The following EIF5 variants were observed in gnomAD, a reference collection of about 807,000 sequenced individuals.
EIF5 encodes the protein eukaryotic translation initiation factor 5.
A neutral mutation model predicts 48.3 loss-of-function variants in EIF5; 10 were observed. The observed-to-expected ratio is 0.21, with a 90% CI of 0.13 to 0.35. The LOEUF (loss-of-function observed/expected upper bound fraction) is 0.35. EIF5 is among the 10% of genes least tolerant of loss of function. The pLI is 1.00. For synonymous variants in EIF5, 237 were observed against 173.1 expected, an observed-to-expected ratio of 1.37 and a Z score of -2.90; for missense variants, 397 against 533.2, an observed-to-expected ratio of 0.74 and a Z score of 2.51.
At chr14:103,340,081 A>G (rs962353776) in intron 10 of EIF5, among the ~76,000 whole-genome samples, 3 of 152,094 alleles carry the variant, frequency 2.0e-5, no homozygotes, top group African/African-American at 4.8e-5. Context: ...GGTCTCGAAC[A>G]CCTGACCTCA....
intron 8 of EIF5, 115 bp from the exon 9 acceptor site, chr14:103,339,057 C>T (rs1483019770): frequency 1.4e-6 from 2 of 1,480,034 alleles, no homozygotes; most frequent in Non-Finnish European, 1.8e-6. Flanking sequence ...CACTATGTGT[C>T]ACAACTGCCA....
At chr14:103,338,572 T>C in intron 7 of EIF5, 100 bp downstream of exon 7, 1 of 1,494,682 alleles carries the variant, frequency 6.7e-7, no homozygotes, top group Non-Finnish European at 8.9e-7. Context: ...CTTCAGTGTG[T>C]AATACACTAA....
At position 103,338,812 on chromosome 14, in the gene EIF5, C is replaced by T. The variant is rs775902979; in HGVS notation, c.663C>T (p.Asp221=). The T allele has an allele frequency of 3.7e-6, 6 of 1,613,996 alleles. No homozygotes were observed. The African/African-American group carries it at 5.3e-5, about 14-fold the overall frequency. The change falls in exon 8 of 12, where the codon GAC becomes GAT. Residue 221 remains aspartate (D), a synonymous_variant. Transcript: ENST00000216554. ...AQRRRMDEIS[D]HAKVLTLSDD... ...GGCGTCGAATGGATGAAATCAGTGA[C>T]CATGCAAAAGTTCTGACACTCAGTG...
chr14:103,336,417 C>G, intron 4 of EIF5: 1 of 553,908 alleles, frequency 1.8e-6, no homozygotes, highest in East Asian at 3.1e-5. Context: ...CCTGAGTCTA[C>G]TACTAATACA....
rs1595367313 is a variant in EIF5, at chr14:103,343,359, T to C, written c.*2307T>C. The stretch of plus-strand genomic sequence containing the variant: ...GGTCACTGGCTTTATTTGCTAGTCT[T>C]GTCTGTGAACTGAGCATCTGCCTCA... On this transcript the variant is annotated 3_prime_UTR_variant, in exon 12 of 12. Coordinates refer to ENST00000216554, the MANE Select transcript of EIF5 (RefSeq NM_001969.5). 6.6e-6 allele frequency: 1 copy of C among 152,254 alleles called. No homozygotes were observed. The highest frequency in any genetic ancestry group is 2.4e-5 in the African/African-American group (1 of 41,472). The allele number at this position is 152,254 out of a possible 1,614,324, so 9.4% of individuals were successfully genotyped here.
chr14:103,339,103 ACTGG>A, intron 8 of EIF5, 65 bp from the exon 9 acceptor site: 1 of 1,541,772 alleles, frequency 6.5e-7, no homozygotes. Context: ...CAGAGCAGGG[ACTGG>A]CTGGTGTCTT....
Position 103,342,411 on chromosome 14 carries a change from T to A in EIF5, c.*1359T>A, listed in dbSNP as rs753326833. Reference sequence around the variant, plus strand: ...ACTCATATTATGGGTTCTGACTGTTTGAGTAATCATCTTCAAGGTTAAACC... The same window carrying A: ...ACTCATATTATGGGTTCTGACTGTTAGAGTAATCATCTTCAAGGTTAAACC... On this transcript the variant is annotated 3_prime_UTR_variant, in exon 12 of 12. Coordinates refer to ENST00000216554, the MANE Select transcript of EIF5 (RefSeq NM_001969.5). 1.6e-4 allele frequency: 25 copies of A among 152,202 alleles called. No individual in the cohort carries two copies. The highest frequency in any genetic ancestry group is 6.0e-4 in the African/African-American group (25 of 41,448). 9.4% of individuals were successfully genotyped at this position (152,202 alleles called of 1,614,324 possible).
intron 9 of EIF5, 61 bp from the exon 10 acceptor site, chr14:103,339,578 A>G (rs531495028): frequency 1.2e-6 from 2 of 1,608,570 alleles, no homozygotes; most frequent in South Asian, 1.1e-5. Flanking sequence ...TATTTGGGTA[A>G]TAGAGTTGTC....
At chr14:103,337,325 C>G in intron 6 of EIF5, 98 bp downstream of exon 6, 2 of 1,040,048 alleles carry the variant, frequency 1.9e-6, no homozygotes, top group African/African-American at 1.6e-5. Flanking sequence ...GTAAGGGAGA[C>G]TGGGCACGGT....
chr14:103,343,151 T>G lies in EIF5; in HGVS notation c.*2099T>G, dbSNP rs912042702. 6.6e-6 allele frequency: 1 copy of G among 152,596 alleles called. No individual in the cohort carries two copies. The highest frequency in any genetic ancestry group is 1.5e-5 in the Non-Finnish European group (1 of 67,978). The allele number at this position is 152,596 out of a possible 1,614,324, so 9.5% of individuals were successfully genotyped here. On this transcript the variant is annotated 3_prime_UTR_variant, in exon 12 of 12. Coordinates refer to ENST00000216554, the MANE Select transcript of EIF5 (RefSeq NM_001969.5). ...TGTTTAAACAGCTAAGTTACTTGAT[T>G]AAAATAATGATAAAATTGTATTTTG...
intron 9 of EIF5, 57 bp downstream of exon 9, chr14:103,339,390 G>T: frequency 6.5e-7 from 1 of 1,545,102 alleles, no homozygotes; most frequent in South Asian, 1.3e-5. Context: ...CTTTCGAGAT[G>T]GTCATATTAA....
chr14:103,340,749 C>G (rs911373150), intron 11 of EIF5, among the ~76,000 whole-genome samples, 188 bp downstream of exon 11: 5 of 152,072 alleles, frequency 3.3e-5, no homozygotes, highest in Non-Finnish European at 7.4e-5. Context: ...TGTGTTCCTA[C>G]TCCTACACAT....
intron 10 of EIF5, 146 bp downstream of exon 10, chr14:103,339,949 C>G: frequency 1.0e-6 from 1 of 953,800 alleles, no homozygotes; most frequent in Admixed American, 3.1e-5. Flanking sequence ...ACCTCCACGT[C>G]CCGGCTTCAA....
chr14:103,344,168 C>T lies in EIF5; in HGVS notation c.*3116C>T, dbSNP rs553870213. The T allele has an allele frequency of 2.0e-5, 3 of 152,158 alleles. No homozygotes were observed. The highest frequency in any genetic ancestry group is 4.4e-5 in the Non-Finnish European group (3 of 68,054). The allele number at this position is 152,158 out of a possible 1,614,324, so 9.4% of individuals were successfully genotyped here. Reference sequence around the variant, plus strand: ...TGACAGCAAATGACTTGCAGGTAGTCTCATTGTAGGTTTGTGCACCAGAGT... The same window carrying T: ...TGACAGCAAATGACTTGCAGGTAGTTTCATTGTAGGTTTGTGCACCAGAGT... On this transcript the variant is annotated 3_prime_UTR_variant, in exon 12 of 12. Coordinates refer to ENST00000216554, the MANE Select transcript of EIF5 (RefSeq NM_001969.5).
At chr14:103,336,188 C>G in intron 4 of EIF5, 71 bp downstream of exon 4, 2 of 1,456,834 alleles carry the variant, frequency 1.4e-6, no homozygotes, top group Middle Eastern at 1.8e-4. Context: ...AGCTGCAAAA[C>G]TTGTTCTAAT....
intron 11 of EIF5, among the ~76,000 whole-genome samples, 199 bp from the exon 12 acceptor site, chr14:103,340,764 G>A (rs2089344009): frequency 6.6e-6 from 1 of 151,120 alleles, no homozygotes; most frequent in African/African-American, 2.4e-5. Context: ...ACACATTATA[G>A]TCTATAAAAA....
Position 103,339,071 on chromosome 14 carries a change from T to G in EIF5, c.745-101T>G, listed in dbSNP as rs1463979319. On this transcript the variant is annotated intron_variant, in intron 8 of 11. Coordinates refer to ENST00000216554, the MANE Select transcript of EIF5 (RefSeq NM_001969.5). ...GCACTATGTGTCACAACTGCCAAAT[T>G]AGGCAGGAAAAATATGTTCATCAGA... 4.0e-6 allele frequency: 6 copies of G among 1,499,458 alleles called. No individual in the cohort carries two copies. The East Asian group carries it at 6.8e-5, about 17-fold the overall frequency. The allele number at this position is 1,499,458 out of a possible 1,614,324, so 92.9% of individuals were successfully genotyped here.
At chr14:103,339,921 T>G (rs965355378) in intron 10 of EIF5, 118 bp downstream of exon 10, 1 of 1,175,418 alleles carries the variant, frequency 8.5e-7, no homozygotes, top group Admixed American at 2.9e-5. Context: ...TACAGTGGTA[T>G]GATCTCAGCT....
chr14:103,335,761 G>C lies in EIF5; in HGVS notation c.-100G>C. ...TTCATGTCAGAGACCGAGAACTCTT[G>C]CAGTCGTTTATGTCATCCCTTCTTC... On this transcript the variant is annotated 5_prime_UTR_variant, in exon 3 of 12. Coordinates refer to ENST00000216554, the MANE Select transcript of EIF5 (RefSeq NM_001969.5). 1 of 1,363,508 alleles carries C rather than the reference G, an allele frequency of 7.3e-7. No homozygotes were observed. The highest frequency in any genetic ancestry group is 2.3e-5 in the East Asian group (1 of 43,382). 84.5% of individuals were successfully genotyped at this position (1,363,508 alleles called of 1,614,324 possible).
Sources: allele counts gnomAD v4.1 joint callset (sites outside exome capture counted in the v4.1 genomes callset), GRCh38; gene constraint gnomAD v4.1.1; transcripts MANE v1.5; gene names NCBI Gene and HGNC (gene_info 2026-07-23, HGNC 2026-07-21).